The following CSNK1D variants were observed in gnomAD, a reference collection of about 807,000 sequenced individuals.
The protein encoded by CSNK1D is casein kinase 1 delta.
A neutral mutation model predicts 46.6 loss-of-function variants in CSNK1D; 16 were observed. The ratio of observed to expected loss-of-function variants is 0.34; its 90% confidence interval spans 0.23 to 0.52. The LOEUF is 0.52. Among genes scored for constraint, CSNK1D ranks in the 20% least tolerant of loss-of-function variants. CSNK1D has a pLI of 0.95. For synonymous variants in CSNK1D, 276 were observed against 228.2 expected (o/e 1.21, Z -1.89); for missense variants, 398 against 578.4 (o/e 0.69, Z 3.20).
intron 2 of CSNK1D, among the ~76,000 whole-genome samples, chr17:82,263,875 C>T (rs116748419): frequency 0.015 from 2,359 of 152,324 alleles, 67 homozygotes; most frequent in African/African-American, 0.055. Flanking sequence ...CACCAAGGGC[C>T]GCCAGACAGG....
chr17:82,248,923 CGAG>C lies in CSNK1D; in HGVS notation c.1146_1148del (p.Ser384del), dbSNP rs756038453. ...TATCTTGTCGGCCTGTGAGGTCGGA[CGAG>C]GAGATGTTGACGGGGGCCCCGCGGT... On this transcript the variant is annotated inframe_deletion, in exon 8 of 9. Transcript: ENST00000314028. This position sits in a 1 kb window ranked among gnomAD's most constrained non-coding sequence, Gnocchi z 4.1. 2.5e-6 allele frequency: 4 copies of C among 1,608,722 alleles called. No homozygotes were observed. Among genetic ancestry groups the C allele is most frequent in the Non-Finnish European group, 2.5e-6 (3 of 1,177,214 alleles).
At chr17:82,254,432 C>T (rs1298391165) in intron 3 of CSNK1D, 3 of 245,016 alleles carry the variant, frequency 1.2e-5, no homozygotes, top group Non-Finnish European at 2.2e-5. Context: ...GCCGGAGCCT[C>T]GAGAAGCCAG....
chr17:82,264,767 G>A (rs907233353), intron 2 of CSNK1D, among the ~76,000 whole-genome samples: 2 of 151,988 alleles, frequency 1.3e-5, no homozygotes, highest in African/African-American at 2.4e-5. Flanking sequence ...ACGACACCAC[G>A]GGGAGCATGC....
rs1396223724 is a variant in CSNK1D, at chr17:82,252,317, C to A, written c.736+117G>T. On this transcript the variant is annotated intron_variant, in intron 5 of 8. Coordinates refer to ENST00000314028, the MANE Select transcript of CSNK1D (RefSeq NM_001893.6). This position sits in a 1 kb window ranked among gnomAD's most constrained non-coding sequence, Gnocchi z 4.6. ...AAGCGCCCCGCTTTCCTGCCACCAC[C>A]CCTTTGGAAGGTGAGCAACTCTTCT... 1.7e-6 allele frequency: 2 copies of A among 1,196,978 alleles called. No homozygotes were observed. Among genetic ancestry groups the A allele is most frequent in the South Asian group, 1.2e-5 (1 of 82,084 alleles). 74.1% of individuals were successfully genotyped at this position (1,196,978 alleles called of 1,614,324 possible).
chr17:82,252,141 T>C lies in CSNK1D; in HGVS notation c.736+293A>G, dbSNP rs1238038331. On this transcript the variant is annotated intron_variant, in intron 5 of 8. Transcript: ENST00000314028. This position sits in a 1 kb window ranked among gnomAD's most constrained non-coding sequence, Gnocchi z 4.6. ...TGCAGAGAGAGGCCCCACCACTGCC[T>C]GTCCATCCCTTTCCAGCCACTTGGG... 6.6e-6 allele frequency among the ~76,000 whole-genome samples: 1 copy of C among 152,232 alleles called. No individual in the cohort carries two copies. The highest frequency in any genetic ancestry group is 2.4e-5 in the African/African-American group (1 of 41,460).
intron 2 of CSNK1D, among the ~76,000 whole-genome samples, chr17:82,258,723 C>T (rs1028475111): frequency 2.0e-5 from 3 of 152,202 alleles, no homozygotes; most frequent in Admixed American, 1.3e-4. Flanking sequence ...TCCAGATTCA[C>T]CTTCTTTCTT....
Position 82,248,703 on chromosome 17 carries a change from G to A in CSNK1D, c.1197+172C>T, listed in dbSNP as rs930694296. On this transcript the variant is annotated intron_variant, in intron 8 of 8. Transcript: ENST00000314028. The surrounding 1 kb of genome is among the most constrained non-coding windows in gnomAD (Gnocchi z 4.1). ...CATGACGGCCCAGCATGTCTCCCAG[G>A]CCCTCCCGAGAAGCCTCATCTGCAA... is the stretch of plus-strand genomic sequence containing the variant. 9 of 1,447,584 alleles carry A rather than the reference G, an allele frequency of 6.2e-6. No homozygotes were observed. The highest frequency in any genetic ancestry group is 5.7e-5 in the African/African-American group (4 of 70,178). The allele number at this position is 1,447,584 out of a possible 1,614,324, so 89.7% of individuals were successfully genotyped here. A position where few individuals can be genotyped will look rare whatever the true frequency, so the allele number is the denominator to read the frequency against.
chr17:82,257,894 A>G (rs920182787), intron 2 of CSNK1D, among the ~76,000 whole-genome samples: 1 of 152,236 alleles, frequency 6.6e-6, no homozygotes. Context: ...ACGTTACTAC[A>G]GATTTCGACT....
In CSNK1D at chr17:82,244,582, T is replaced by C; in HGVS notation, c.*199A>G. On this transcript the variant is annotated 3_prime_UTR_variant, in exon 9 of 9. Transcript: ENST00000314028. ...ACCGAGTTCACGTGGGGGGCCGCAG[T>C]GCAGCCCCAGCGGTGGCAGCTCTTG... 4 of 1,507,492 alleles carry C rather than the reference T, an allele frequency of 2.7e-6. No homozygotes were observed. Among genetic ancestry groups the C allele is most frequent in the Non-Finnish European group, 3.5e-6 (4 of 1,129,346 alleles). The allele number at this position is 1,507,492 out of a possible 1,614,324, so 93.4% of individuals were successfully genotyped here.
intron 8 of CSNK1D, chr17:82,246,365 C>T: frequency 7.8e-7 from 1 of 1,279,632 alleles, no homozygotes. Context: ...AACTGGGTCT[C>T]AGGGCACAGC....
At chr17:82,271,268 G>T (rs1282301995) in intron 1 of CSNK1D, among the ~76,000 whole-genome samples, 1 of 152,118 alleles carries the variant, frequency 6.6e-6, no homozygotes, top group Non-Finnish European at 1.5e-5. Flanking sequence ...TAGAGATGGG[G>T]TTTCGCCACT....
At chr17:82,270,629 T>C (rs757105502) in intron 1 of CSNK1D, among the ~76,000 whole-genome samples, 1 of 152,176 alleles carries the variant, frequency 6.6e-6, no homozygotes, top group African/African-American at 2.4e-5. Context: ...CTAACTGCCA[T>C]TCTGCTCAGA....
intron 1 of CSNK1D, among the ~76,000 whole-genome samples, chr17:82,271,161 C>T (rs541173970): frequency 1.2e-3 from 189 of 152,260 alleles, no homozygotes; most frequent in African/African-American, 4.3e-3. Context: ...CTGCAACCTC[C>T]GCCTCCCAGG....
Position 82,255,556 on chromosome 17 carries a change from C to G in CSNK1D, c.209G>C (p.Trp70Ser). ...QGGVGIPTIR[W>S]CGAEGDYNVM... The stretch of plus-strand genomic sequence containing the variant: ...GTTGTAGTCCCCCTCTGCCCCGCAC[C>G]ATCTGATGGTGGGGATGCCCACTAG... The change falls in exon 3 of 9, where the codon TGG (tryptophan) becomes TCG (serine). Residue 70 changes from tryptophan (W) to serine (S), a missense_variant. By Grantham distance (177) the Trp-to-Ser change is radical (BLOSUM62 -3). Transcript: ENST00000314028. This position sits in a 1 kb window ranked among gnomAD's most constrained non-coding sequence, Gnocchi z 5.9. The G allele has an allele frequency of 6.2e-7, 1 of 1,614,168 alleles. No homozygotes were observed. Among genetic ancestry groups the G allele is most frequent in the Non-Finnish European group, 8.5e-7 (1 of 1,180,030 alleles).
At chr17:82,262,882 A>C (rs1413028669) in intron 2 of CSNK1D, among the ~76,000 whole-genome samples, 1 of 152,262 alleles carries the variant, frequency 6.6e-6, no homozygotes, top group Non-Finnish European at 1.5e-5. Context: ...GCAGATCTTT[A>C]GATCTTTACA....
intron 2 of CSNK1D, among the ~76,000 whole-genome samples, chr17:82,259,331 T>G (rs1000749857): frequency 6.6e-6 from 1 of 152,254 alleles, no homozygotes; most frequent in Non-Finnish European, 1.5e-5. Context: ...TGTTCTGAGA[T>G]CCCTATTTAG....
Position 82,255,096 on chromosome 17 carries a change from C to A in CSNK1D, c.336+333G>T, listed in dbSNP as rs1433945686. 2 of 381,328 alleles carry A rather than the reference C, an allele frequency of 5.2e-6. No homozygotes were observed. The highest frequency in any genetic ancestry group is 4.7e-5 in the African/African-American group (2 of 42,302). 23.6% of individuals were successfully genotyped at this position (381,328 alleles called of 1,614,324 possible). On this transcript the variant is annotated intron_variant, in intron 3 of 8. Coordinates refer to ENST00000314028, the MANE Select transcript of CSNK1D (RefSeq NM_001893.6). The surrounding 1 kb of genome is among the most constrained non-coding windows in gnomAD (Gnocchi z 5.9). ...CTCGAGAAGCCAGTGAGCTGGGCCG[C>A]CGGAGCCTCGAGAAGCCAGTGAGCT...
intron 1 of CSNK1D, among the ~76,000 whole-genome samples, chr17:82,272,881 C>A (rs2051668841): frequency 6.6e-6 from 1 of 150,612 alleles, no homozygotes; most frequent in Admixed American, 6.6e-5. Flanking sequence ...CAGCCCTACC[C>A]CCTCCCCTCC....
intron 3 of CSNK1D, 36 bp from the exon 4 acceptor site, chr17:82,253,280 G>C (rs367618938): frequency 2.2e-5 from 34 of 1,568,328 alleles, no homozygotes; most frequent in Non-Finnish European, 2.8e-5. Context: ...TGGCACCCCA[G>C]GGCAGTCTCA....
Sources: gnomAD v4.1 joint callset for allele counts (sites outside exome capture counted in the v4.1 genomes callset) on GRCh38, gnomAD v4.1.1 for gene constraint, Gnocchi (gnomAD v3.1) non-coding constraint, MANE v1.5 for transcripts, NCBI Gene and HGNC (gene_info 2026-07-23, HGNC 2026-07-21) for gene names.